ZNF704: variants seen among roughly 807,000 people sequenced by gnomAD.
ZNF704 encodes the protein glucocorticoid induced gene 1.
Under a neutral mutation model 44.7 loss-of-function variants are expected in ZNF704, and 10 were observed. That is an observed-to-expected ratio of 0.22 (90% CI 0.14 to 0.38). ZNF704 has a LOEUF of 0.38. ZNF704 is among the 10% of genes least tolerant of loss of function. ZNF704 has a pLI of 1.00. For missense variants in ZNF704, 390 were observed against 545.5 expected, an observed-to-expected ratio of 0.71 and a Z score of 2.84; for synonymous variants, 211 against 207.6, an observed-to-expected ratio of 1.02 and a Z score of -0.14.
chr8:80,644,153 A>G (rs1817790838), intron 7 of ZNF704, among the ~76,000 whole-genome samples: 2 of 152,284 alleles, frequency 1.3e-5, no homozygotes, highest in African/African-American at 4.8e-5. Context: ...TTCCCATTTT[A>G]CAGATTAGGA....
At chr8:80,754,966 C>T (rs1323325349) in intron 2 of ZNF704, among the ~76,000 whole-genome samples, 1 of 152,190 alleles carries the variant, frequency 6.6e-6, no homozygotes, top group Middle Eastern at 3.4e-3. Context: ...ACTACTCTGA[C>T]CAATATAGTA....
intron 2 of ZNF704, among the ~76,000 whole-genome samples, chr8:80,705,322 T>C (rs1266404078): frequency 6.6e-6 from 1 of 152,072 alleles, no homozygotes; most frequent in African/African-American, 2.4e-5. Flanking sequence ...TCTATGTCTG[T>C]GTGGGTTGGT....
intron 2 of ZNF704, among the ~76,000 whole-genome samples, chr8:80,779,003 G>A (rs530053311): frequency 2.6e-5 from 4 of 151,784 alleles, no homozygotes; most frequent in South Asian, 2.1e-4. Context: ...CCCCTGAACC[G>A]AAAATAAAAT....
intron 1 of ZNF704, among the ~76,000 whole-genome samples, chr8:80,854,261 C>T (rs768994164): frequency 1.3e-5 from 2 of 152,100 alleles, no homozygotes; most frequent in African/African-American, 2.4e-5. Context: ...ACATGTTAAC[C>T]CTTAAAAGTA....
intron 8 of ZNF704, 91 bp from the exon 9 acceptor site, chr8:80,641,568 GGA>G: frequency 5.7e-6 from 3 of 527,976 alleles, no homozygotes; most frequent in Admixed American, 4.1e-5. Flanking sequence ...GAGTGAGGGA[GGA>G]AAAAAAAAAA....
chr8:80,815,850 C>A (rs1244901972), intron 2 of ZNF704, among the ~76,000 whole-genome samples: 1 of 152,208 alleles, frequency 6.6e-6, no homozygotes, highest in African/African-American at 2.4e-5. Flanking sequence ...CTTCCTAGCA[C>A]AGATGTCTCT....
chr8:80,701,540 ACCT>A (rs1818810023), intron 2 of ZNF704, among the ~76,000 whole-genome samples: 1 of 151,680 alleles, frequency 6.6e-6, no homozygotes, highest in African/African-American at 2.4e-5. Context: ...CTTCAACAAG[ACCT>A]CCTCTCTCCT....
At chr8:80,713,149 G>A (rs1044419021) in intron 2 of ZNF704, among the ~76,000 whole-genome samples, 3 of 151,916 alleles carry the variant, frequency 2.0e-5, no homozygotes, top group African/African-American at 4.8e-5. Context: ...CACTCGCCTC[G>A]GCATCATTTA....
chr8:80,718,858 A>G (rs769061265), intron 2 of ZNF704, among the ~76,000 whole-genome samples: 1 of 152,158 alleles, frequency 6.6e-6, no homozygotes, highest in Non-Finnish European at 1.5e-5. Flanking sequence ...GTACACATCT[A>G]TTCCTCTTCC....
Position 80,693,024 on chromosome 8 carries a change from C to G in ZNF704, c.305G>C (p.Ser102Thr), listed in dbSNP as rs778004725. ...CTTACCGTTCGGCCGCACGGGAGGA[C>G]TTCGAACCAAAGGGCTAGTCGACAA... ...TSLSTSPLVRSPPVRPNESLS... is the reference protein window; with the variant it reads ...TSLSTSPLVRTPPVRPNESLS... The change falls in exon 3 of 9, where the codon AGT becomes ACT. Residue 102 changes from serine (S) to threonine (T), a missense_variant. By Grantham distance (58) the Ser-to-Thr change is moderately conservative. Transcript: ENST00000327835. 6.2e-7 allele frequency: 1 copy of G among 1,614,174 alleles called. No individual in the cohort carries two copies. The highest frequency in any genetic ancestry group is 1.7e-5 in the Admixed American group (1 of 60,030).
intron 2 of ZNF704, among the ~76,000 whole-genome samples, chr8:80,774,939 A>G (rs918794063): frequency 2.0e-5 from 3 of 152,196 alleles, no homozygotes; most frequent in Non-Finnish European, 4.4e-5. Flanking sequence ...ACTTACTGCT[A>G]TGCTGCTGCT....
chr8:80,698,630 T>A lies in ZNF704; in HGVS notation c.222-5523A>T, dbSNP rs201526127. ...TTTTGGCTGCCGTGTGGAAAATGAGTTTCTTGGGTTTGACAACCAATCTTT... is the reference window on the plus strand; with the variant it reads ...TTTTGGCTGCCGTGTGGAAAATGAGATTCTTGGGTTTGACAACCAATCTTT... On this transcript the variant is annotated intron_variant, in intron 2 of 8. Coordinates refer to ENST00000327835, the MANE Select transcript of ZNF704 (RefSeq NM_001033723.3). Among the ~76,000 whole-genome samples the A allele has an allele frequency of 2.6e-5, 4 of 152,178 alleles. No homozygotes were observed. In the East Asian group the frequency reaches 7.8e-4, roughly 30 times the overall value.
At position 80,639,231 on chromosome 8, in the gene ZNF704, T is replaced by C. The variant is rs922100246; in HGVS notation, c.*2135A>G. On this transcript the variant is annotated 3_prime_UTR_variant, in exon 9 of 9. Coordinates refer to ENST00000327835, the MANE Select transcript of ZNF704 (RefSeq NM_001033723.3). ...GACTGTACCCTGTCATTTAAACACA[T>C]GGTGAACTTGTTTAAACAGGTGACA... 2 of 152,216 alleles carry C rather than the reference T, an allele frequency of 1.3e-5. No homozygotes were observed. The highest frequency in any genetic ancestry group is 2.9e-5 in the Non-Finnish European group (2 of 68,034). 9.4% of individuals were successfully genotyped at this position (152,216 alleles called of 1,614,324 possible). A position where few individuals can be genotyped will look rare whatever the true frequency, so the allele number is the denominator to read the frequency against.
chr8:80,807,297 G>A (rs1039127756), intron 2 of ZNF704, among the ~76,000 whole-genome samples: 4 of 152,194 alleles, frequency 2.6e-5, no homozygotes, highest in East Asian at 1.9e-4. Context: ...ACATGCAGGC[G>A]GGTCCAGGGG....
In ZNF704 at chr8:80,733,825, C is replaced by T. The variant is rs191557188; in HGVS notation, c.222-40718G>A. Among the ~76,000 whole-genome samples the T allele has an allele frequency of 3.1e-3, 466 of 152,208 alleles. 2 individuals carry two copies. The highest frequency in any genetic ancestry group is 3.1e-3 in the Non-Finnish European group (213 of 68,022). On this transcript the variant is annotated intron_variant, in intron 2 of 8. Coordinates refer to ENST00000327835, the MANE Select transcript of ZNF704 (RefSeq NM_001033723.3). Reference sequence around the variant, plus strand: ...AGACTTCCCATGTCTCTGAGCAATTCCTTTTAGTATATTTTGTCCAGCTTT... The same window carrying T: ...AGACTTCCCATGTCTCTGAGCAATTTCTTTTAGTATATTTTGTCCAGCTTT...
At chr8:80,782,099 TC>T (rs1226428053) in intron 2 of ZNF704, among the ~76,000 whole-genome samples, 1 of 152,176 alleles carries the variant, frequency 6.6e-6, no homozygotes, top group East Asian at 1.9e-4. Flanking sequence ...CCCCGAGCAA[TC>T]ATCACTGCTG....
intron 2 of ZNF704, among the ~76,000 whole-genome samples, chr8:80,817,214 G>A (rs1350027923): frequency 6.6e-6 from 1 of 152,108 alleles, no homozygotes; most frequent in East Asian, 1.9e-4. Flanking sequence ...ACAATATTGT[G>A]GGGTGGGAGG....
At chr8:80,864,855 G>A (rs1017558514) in intron 1 of ZNF704, among the ~76,000 whole-genome samples, 41 of 152,026 alleles carry the variant, frequency 2.7e-4, no homozygotes, top group Non-Finnish European at 4.1e-4. Context: ...AATGTGTGTG[G>A]TAAGCCTCTT....
chr8:80,780,619 A>G (rs923357282), intron 2 of ZNF704, among the ~76,000 whole-genome samples: 3 of 152,120 alleles, frequency 2.0e-5, no homozygotes, highest in South Asian at 4.1e-4. Context: ...AAATGTCCTT[A>G]TAAGAGAAAA....
Sources: gnomAD v4.1 joint callset for allele counts (sites outside exome capture counted in the v4.1 genomes callset) on GRCh38, gnomAD v4.1.1 for gene constraint, MANE v1.5 for transcripts, NCBI Gene and HGNC (gene_info 2026-07-23, HGNC 2026-07-21) for gene names.